Variants in ARHGEF3 observed in about 807,000 individuals in gnomAD.
ARHGEF3 encodes 59.8 kDA protein.
A neutral mutation model predicts 63.2 loss-of-function variants in ARHGEF3; 28 were observed. The observed-to-expected ratio is 0.44, with a 90% CI of 0.33 to 0.61. ARHGEF3 has a LOEUF of 0.61. Ranked by LOEUF, ARHGEF3 falls within the 20% of genes least tolerant of loss-of-function variation. The pLI is 0.03. For synonymous variants in ARHGEF3, 266 were observed against 254.2 expected (o/e 1.05, Z -0.44); for missense variants, 533 against 659.3 (o/e 0.81, Z 2.10).
chr3:57,060,937 G>C (rs1579192406), intron 1 of ARHGEF3, among the ~76,000 whole-genome samples: 1 of 152,126 alleles, frequency 6.6e-6, no homozygotes, highest in East Asian at 1.9e-4. Context: ...AAGTCCAGGA[G>C]AGTCCAACTC....
intron 1 of ARHGEF3, among the ~76,000 whole-genome samples, chr3:56,792,113 A>AAG (rs1553755407): frequency 7.1e-6 from 1 of 140,060 alleles, no homozygotes; most frequent in East Asian, 2.1e-4. Context: ...CAAAAAAAAA[A>AAG]AAAAGAAAAG....
chr3:56,939,554 A>T (rs144434006), intron 3 of ARHGEF3, among the ~76,000 whole-genome samples: 1 of 152,222 alleles, frequency 6.6e-6, no homozygotes, highest in Admixed American at 6.5e-5. Flanking sequence ...CAGTCTAGAA[A>T]TGGCTTAAGA....
rs181059675 is a variant in ARHGEF3 at position 56,926,879 on chromosome 3, G to A, written c.129+31944C>T. 2.6e-3 allele frequency among the ~76,000 whole-genome samples: 394 copies of A among 152,314 alleles called. 5 individuals carry two copies. Among genetic ancestry groups the A allele is most frequent in the Admixed American group, 0.023 (359 of 15,300 alleles). ...ATGAATACCCCGGGAGGGGTGGGAGGAGTCCCCAGAATGACCCTTTGAGGC... is the reference window on the plus strand; with the variant it reads ...ATGAATACCCCGGGAGGGGTGGGAGAAGTCCCCAGAATGACCCTTTGAGGC... On this transcript the variant is annotated intron_variant, in intron 3 of 12. Coordinates refer to the ARHGEF3 transcript ENST00000338458.
intron 2 of ARHGEF3, among the ~76,000 whole-genome samples, chr3:57,009,943 G>C (rs1702615280): frequency 6.6e-6 from 1 of 152,292 alleles, no homozygotes; most frequent in East Asian, 1.9e-4. Flanking sequence ...TAAAGATGAT[G>C]AAACAGAGGC....
intron 2 of ARHGEF3, among the ~76,000 whole-genome samples, chr3:56,968,061 A>ATATTTATTATATATAAAAT (rs1553794203): frequency 7.8e-5 from 1 of 12,804 alleles, no homozygotes; most frequent in Non-Finnish European, 2.0e-4. Context: ...TAATATATAT[A>ATATTTATTATATATAAAAT]ATATATATAA....
At chr3:56,955,467 T>TGCTGGGATTACAGGCATGAGCC (rs2106720107) in intron 3 of ARHGEF3, among the ~76,000 whole-genome samples, 1 of 152,268 alleles carries the variant, frequency 6.6e-6, no homozygotes, top group East Asian at 1.9e-4. Flanking sequence ...CCTCCCAAAG[T>TGCTGGGATTACAGGCATGAGCC]GCTGGGATTA....
intron 4 of ARHGEF3, among the ~76,000 whole-genome samples, chr3:56,830,404 C>T (rs1196898178): frequency 1.3e-5 from 2 of 152,170 alleles, no homozygotes; most frequent in Non-Finnish European, 2.9e-5. Context: ...TACTTCTCTT[C>T]ACCTTGCCTA....
intron 2 of ARHGEF3, among the ~76,000 whole-genome samples, chr3:56,996,720 GC>G (rs1702000644): frequency 6.6e-6 from 1 of 152,108 alleles, no homozygotes; most frequent in Admixed American, 6.5e-5. Flanking sequence ...AGACAGCAAG[GC>G]CCCGTATCTC....
chr3:56,729,656 A>G, intron 9 of ARHGEF3, 34 bp from the exon 10 acceptor site: 1 of 1,532,862 alleles, frequency 6.5e-7, no homozygotes, highest in Non-Finnish European at 8.9e-7. Context: ...AACAAAGTCA[A>G]TGGACAGATC....
At chr3:56,772,698 A>G (rs931481074) in intron 2 of ARHGEF3, among the ~76,000 whole-genome samples, 1 of 152,246 alleles carries the variant, frequency 6.6e-6, no homozygotes, top group African/African-American at 2.4e-5. Flanking sequence ...CTAAAAAACT[A>G]TCATAGTAGC....
intron 4 of ARHGEF3, among the ~76,000 whole-genome samples, chr3:56,837,750 G>A (rs1452705674): frequency 1.3e-5 from 2 of 152,164 alleles, no homozygotes; most frequent in Admixed American, 1.3e-4. Context: ...AAAATGCTTA[G>A]TTCTGACTGT....
At chr3:56,775,486 C>A in intron 1 of ARHGEF3, 4 of 999,070 alleles carry the variant, frequency 4.0e-6, no homozygotes, top group Non-Finnish European at 4.8e-6. Context: ...TGCAACCAGG[C>A]TGCTGGGTAC....
intron 1 of ARHGEF3, among the ~76,000 whole-genome samples, chr3:56,781,202 G>C (rs552275579): frequency 6.6e-6 from 1 of 152,030 alleles, no homozygotes; most frequent in Non-Finnish European, 1.5e-5. Flanking sequence ...TTCCTCTGCA[G>C]GTTTCAGAGG....
intron 3 of ARHGEF3, among the ~76,000 whole-genome samples, chr3:56,953,842 T>C (rs1217618642): frequency 1.3e-5 from 2 of 152,238 alleles, no homozygotes; most frequent in African/African-American, 2.4e-5. Flanking sequence ...GTGGCAAAGC[T>C]GAGAAAAGGA....
At chr3:57,061,646 A>G (rs1705228963) in intron 1 of ARHGEF3, among the ~76,000 whole-genome samples, 1 of 152,188 alleles carries the variant, frequency 6.6e-6, no homozygotes, top group South Asian at 2.1e-4. Context: ...TTCTTTGGGT[A>G]TATACCCAGA....
chr3:56,779,253 AAT>A (rs10662727), intron 1 of ARHGEF3, among the ~76,000 whole-genome samples: 26 of 151,966 alleles, frequency 1.7e-4, no homozygotes, highest in African/African-American at 5.1e-4. Context: ...TGACCATTTT[AAT>A]ATATATATAT....
intron 4 of ARHGEF3, among the ~76,000 whole-genome samples, chr3:56,823,759 C>CT (rs908525075): frequency 2.0e-4 from 30 of 152,004 alleles, no homozygotes; most frequent in Non-Finnish European, 3.2e-4. Flanking sequence ...TAATCAGCTT[C>CT]TTATGACAAA....
At chr3:56,990,672 G>T (rs1283393545) in intron 2 of ARHGEF3, among the ~76,000 whole-genome samples, 2 of 152,192 alleles carry the variant, frequency 1.3e-5, no homozygotes, top group Non-Finnish European at 2.9e-5. Context: ...TCAAATCTCT[G>T]AATGTAACCA....
intron 3 of ARHGEF3, among the ~76,000 whole-genome samples, chr3:56,948,196 C>T (rs1360648769): frequency 2.0e-5 from 3 of 152,024 alleles, no homozygotes; most frequent in Non-Finnish European, 4.4e-5. Context: ...AAAATTGACA[C>T]CCTAACATCA....
Sources: gnomAD v4.1 joint callset for allele counts (sites outside exome capture counted in the v4.1 genomes callset) on GRCh38, gnomAD v4.1.1 for gene constraint, MANE v1.5 for transcripts, NCBI Gene and HGNC (gene_info 2026-07-23, HGNC 2026-07-21) for gene names.